Variants in SSX3 observed in about 807,000 individuals in gnomAD.
SSX3 encodes the protein SSX family member 3, also known as protein SSX3.
In SSX3, 6 loss-of-function variants were observed where a neutral mutation model predicts 14.8. The observed-to-expected ratio is 0.41, with a 90% confidence interval of 0.22 to 0.80. SSX3 has a LOEUF of 0.80. Ranked by LOEUF, SSX3 falls within the 30% of genes least tolerant of loss-of-function variation. The pLI is 0.34. For missense variants in SSX3, 163 were observed against 152.2 expected (o/e 1.07, Z -0.37); for synonymous variants, 55 against 52.9 (o/e 1.04, Z -0.18).
In SSX3 at chrX:48,348,483, A is replaced by G. The variant is rs2061247763; in HGVS notation, c.467-879T>C. ...AGCAATACTGAAATGAGGATTATTA[A>G]CAACCTTACAATGGCCGTTAAGTGT... is the stretch of plus-strand genomic sequence containing the variant. On this transcript the variant is annotated intron_variant, in intron 6 of 7. Transcript: ENST00000298396. 4 of 509,975 alleles carry G rather than the reference A, an allele frequency of 7.8e-6. No homozygotes were observed. In the Admixed American group the frequency reaches 1.1e-4, roughly 14 times the overall value. The allele number at this position is 509,975 out of a possible 1,213,427, so 42.0% of individuals were successfully genotyped here. A position where few individuals can be genotyped will look rare whatever the true frequency, so the allele number is the denominator to read the frequency against.
At chrX:48,355,551 G>A (rs1172949147) in intron 1 of SSX3, among the ~76,000 whole-genome samples, 2 of 110,730 alleles carry the variant, frequency 1.8e-5, no homozygotes, top group African/African-American at 6.6e-5. Context: ...AATTTCCCTG[G>A]AGCTAGGCTT....
intron 1 of SSX3, among the ~76,000 whole-genome samples, 169 bp downstream of exon 1, chrX:48,356,465 A>G (rs1259996090): frequency 1.8e-5 from 2 of 111,238 alleles, no homozygotes; most frequent in African/African-American, 3.3e-5. Context: ...ATACCTGAAA[A>G]AGTTAGAAAC....
chrX:48,354,126 A>C (rs1157376338), intron 3 of SSX3, 32 bp from the exon 4 acceptor site: 1 of 1,148,795 alleles, frequency 8.7e-7, no homozygotes, highest in Non-Finnish European at 1.2e-6. Context: ...ATTCCTTAAG[A>C]GACAAGCTTG....
chrX:48,355,946 G>A (rs1399827029), intron 1 of SSX3, among the ~76,000 whole-genome samples: 1 of 111,540 alleles, frequency 9.0e-6, no homozygotes, highest in African/African-American at 3.3e-5. Context: ...GGAGGCCGAG[G>A]CGTGCAGGTC....
chrX:48,354,103 A>C lies in SSX3; in HGVS notation c.185-9T>G, dbSNP rs371202157. On this transcript the variant is annotated splice_polypyrimidine_tract_variant and intron_variant, in intron 3 of 7. Coordinates refer to ENST00000298396, the MANE Select transcript of SSX3 (RefSeq NM_021014.4). ...GAGGATGGCCTTGAAACCTAGAAAG[A>C]AGCAAAATGTTTATTCCTTAAGAGA... 6.7e-6 allele frequency: 8 copies of C among 1,187,476 alleles called. No homozygotes were observed. In the African/African-American group the frequency reaches 8.9e-5, roughly 13 times the overall value.
intron 7 of SSX3, 61 bp downstream of exon 7, chrX:48,347,439 A>T (rs2061243626): frequency 8.4e-7 from 1 of 1,196,214 alleles, no homozygotes; most frequent in Non-Finnish European, 1.1e-6. Context: ...ATGGGATGCC[A>T]GTATCATAAC....
intron 4 of SSX3, 55 bp from the exon 5 acceptor site, chrX:48,352,204 G>T (rs782140087): frequency 1.3e-5 from 15 of 1,154,452 alleles, no homozygotes; most frequent in Non-Finnish European, 4.7e-6. Flanking sequence ...CCAAACTCTA[G>T]AGAGACTTCT....
At chrX:48,353,957 G>C (rs376988388) in intron 4 of SSX3, 42 bp downstream of exon 4, 1 of 1,153,267 alleles carries the variant, frequency 8.7e-7, no homozygotes, top group African/African-American at 1.8e-5. Flanking sequence ...AAAAGCAATT[G>C]GGCTTGAGGA....
intron 4 of SSX3, 124 bp from the exon 5 acceptor site, chrX:48,352,273 T>C (rs1309136936): frequency 3.5e-6 from 3 of 854,722 alleles, no homozygotes; most frequent in African/African-American, 4.0e-5. Flanking sequence ...TGAGGAGTTA[T>C]TTCAGATTTG....
intron 7 of SSX3, 128 bp from the exon 8 acceptor site, chrX:48,347,163 A>G (rs1424918494): frequency 5.2e-5 from 47 of 902,252 alleles, no homozygotes; most frequent in South Asian, 1.0e-4. Context: ...ACCTGCACAC[A>G]CCTTCCACGG....
At chrX:48,355,138 C>A (rs1448443465) in intron 2 of SSX3, 43 bp downstream of exon 2, 1 of 1,204,619 alleles carries the variant, frequency 8.3e-7, no homozygotes. Flanking sequence ...TCACCCCACA[C>A]TGTCCCCTGG....
intron 5 of SSX3, among the ~76,000 whole-genome samples, chrX:48,350,771 C>CTTTTTTTT (rs374614128): frequency 1.0e-5 from 1 of 96,368 alleles, no homozygotes; most frequent in Non-Finnish European, 2.1e-5. Flanking sequence ...CTTTCTTTTT[C>CTTTTTTTT]TTTTTTTTTT....
At position 48,352,519 on chromosome X, in the gene SSX3, T is replaced by C. The variant is rs376297594; in HGVS notation, c.281-370A>G. ...GTACACTTCAAATGGGTGAATCTTA[T>C]GGTATGTGAATTAAGCTGTTAAATG... On this transcript the variant is annotated intron_variant, in intron 4 of 7. Transcript: ENST00000298396. Among the ~76,000 whole-genome samples the C allele has an allele frequency of 8.9e-5, 10 of 112,894 alleles. No homozygotes were observed. In the East Asian group the frequency reaches 1.4e-3, roughly 16 times the overall value.
intron 4 of SSX3, among the ~76,000 whole-genome samples, chrX:48,353,341 A>G (rs183531431): frequency 1.9e-3 from 211 of 111,412 alleles, no homozygotes; most frequent in African/African-American, 6.8e-3. Context: ...AACTGCAAAC[A>G]GGCCGGGCGT....
At chrX:48,350,794 C>A (rs1225853391) in intron 5 of SSX3, among the ~76,000 whole-genome samples, 8 of 97,886 alleles carry the variant, frequency 8.2e-5, no homozygotes, top group Non-Finnish European at 1.2e-4. Context: ...TTTTTTGAGA[C>A]GGAGTCTTGC....
intron 3 of SSX3, 71 bp downstream of exon 3, chrX:48,354,561 G>C: frequency 9.1e-7 from 1 of 1,098,429 alleles, no homozygotes; most frequent in Non-Finnish European, 1.2e-6. Flanking sequence ...TGCAGCCTAA[G>C]AAATAGCCAA....
chrX:48,353,955 T>A, intron 4 of SSX3, 44 bp downstream of exon 4: 1 of 1,155,651 alleles, frequency 8.7e-7, no homozygotes, highest in Non-Finnish European at 1.2e-6. Context: ...TGAAAAGCAA[T>A]TGGGCTTGAG....
chrX:48,353,780 C>T (rs1200240723), intron 4 of SSX3, among the ~76,000 whole-genome samples: 11 of 110,917 alleles, frequency 9.9e-5, no homozygotes, highest in Admixed American at 1.9e-4. Flanking sequence ...TATACATTTA[C>T]CATTTACTTA....
chrX:48,350,823 A>T (rs1428572221), intron 5 of SSX3, among the ~76,000 whole-genome samples: 70 of 95,071 alleles, frequency 7.4e-4, no homozygotes, highest in African/African-American at 2.7e-3. Context: ...CAGAATGGGG[A>T]GCCGTGGCAT....
Sources: allele counts gnomAD v4.1 joint callset (sites outside exome capture counted in the v4.1 genomes callset), GRCh38; gene constraint gnomAD v4.1.1; transcripts MANE v1.5; gene names NCBI Gene and HGNC (gene_info 2026-07-23, HGNC 2026-07-21).